The following UNC5B variants were observed in gnomAD, a reference collection of about 807,000 sequenced individuals.
UNC5B encodes the protein unc-5 netrin receptor B, also known as netrin receptor UNC5B.
UNC5B carries 56 observed loss-of-function variants against 103.7 expected under a neutral mutation model. The ratio of observed to expected loss-of-function variants is 0.54; its 90% confidence interval spans 0.44 to 0.67. The LOEUF (loss-of-function observed/expected upper bound fraction) is 0.67. UNC5B is among the 30% of genes least tolerant of loss of function. UNC5B has a pLI of 0.00. For missense variants in UNC5B, 1,194 were observed against 1,284.5 expected, an observed-to-expected ratio of 0.93 and a Z score of 1.08; for synonymous variants, 577 against 542.0, an observed-to-expected ratio of 1.06 and a Z score of -0.90.
intron 1 of UNC5B, among the ~76,000 whole-genome samples, chr10:71,236,349 A>G (rs1420583970): frequency 6.6e-6 from 1 of 152,174 alleles, no homozygotes; most frequent in Non-Finnish European, 1.5e-5. Flanking sequence ...ATCCCTTGCC[A>G]TGCCCGCCCT....
chr10:71,290,818 G>A, intron 8 of UNC5B, 97 bp from the exon 9 acceptor site: 1 of 1,407,436 alleles, frequency 7.1e-7, no homozygotes, highest in South Asian at 1.4e-5. Flanking sequence ...CGGGCCGGTT[G>A]GCCCTGGGCC....
chr10:71,264,971 T>TAA (rs34240729), intron 1 of UNC5B, among the ~76,000 whole-genome samples: 17 of 120,836 alleles, frequency 1.4e-4, no homozygotes, highest in Admixed American at 3.3e-4. Context: ...CCTGTCTCTA[T>TAA]AAAAAAAAAA....
At chr10:71,294,060 C>T (rs772373561) in intron 13 of UNC5B, 127 bp downstream of exon 13, 15 of 856,902 alleles carry the variant, frequency 1.8e-5, no homozygotes, top group Middle Eastern at 3.6e-4. Flanking sequence ...TATTAGGTCC[C>T]GCTTGCGACC....
chr10:71,230,413 G>A (rs772602977), intron 1 of UNC5B, among the ~76,000 whole-genome samples: 5 of 152,192 alleles, frequency 3.3e-5, no homozygotes, highest in Non-Finnish European at 7.3e-5. Context: ...TACCACAAAC[G>A]TGGACATCAG....
chr10:71,281,944 G>A (rs995265435), intron 2 of UNC5B, among the ~76,000 whole-genome samples: 2 of 152,196 alleles, frequency 1.3e-5, no homozygotes, highest in African/African-American at 4.8e-5. Flanking sequence ...GAGCCCCTCT[G>A]GCCTGTATCA....
chr10:71,246,249 C>T (rs1193771649), intron 1 of UNC5B, among the ~76,000 whole-genome samples: 2 of 152,250 alleles, frequency 1.3e-5, no homozygotes, highest in Non-Finnish European at 1.5e-5. Context: ...GCATACTGTA[C>T]GCTGGGAGAG....
intron 1 of UNC5B, among the ~76,000 whole-genome samples, chr10:71,261,196 T>A (rs1844410211): frequency 6.6e-6 from 1 of 152,174 alleles, no homozygotes; most frequent in Non-Finnish European, 1.5e-5. Flanking sequence ...CTGGACCCTG[T>A]TTTTCCCTTG....
chr10:71,298,173 A>G (rs1292528282), intron 16 of UNC5B, 83 bp downstream of exon 16: 1 of 1,465,328 alleles, frequency 6.8e-7, no homozygotes, highest in Non-Finnish European at 9.1e-7. Context: ...GCAGCCTGAC[A>G]GCCACGACCA....
chr10:71,216,386 C>T (rs1445453643), intron 1 of UNC5B, among the ~76,000 whole-genome samples: 1 of 152,070 alleles, frequency 6.6e-6, no homozygotes, highest in Non-Finnish European at 1.5e-5. Flanking sequence ...AGAGGTGTTC[C>T]AGGAGAGGGG....
intron 16 of UNC5B, 59 bp downstream of exon 16, chr10:71,298,149 G>T: frequency 1.3e-5 from 20 of 1,508,840 alleles, no homozygotes; most frequent in Non-Finnish European, 1.7e-5. Flanking sequence ...GTCTCACAGG[G>T]GCAGGCAGGG....
chr10:71,232,338 A>G (rs932073001), intron 1 of UNC5B, among the ~76,000 whole-genome samples: 9 of 152,268 alleles, frequency 5.9e-5, no homozygotes, highest in Non-Finnish European at 4.4e-5. Flanking sequence ...TATGTGTTAT[A>G]TGAGAAGTAG....
At chr10:71,229,438 T>C (rs1302727070) in intron 1 of UNC5B, among the ~76,000 whole-genome samples, 2 of 152,184 alleles carry the variant, frequency 1.3e-5, no homozygotes, top group Non-Finnish European at 2.9e-5. Flanking sequence ...ATTACACCCT[T>C]GACAGTGTCC....
At chr10:71,281,793 G>A (rs1438212963) in intron 2 of UNC5B, among the ~76,000 whole-genome samples, 1 of 152,218 alleles carries the variant, frequency 6.6e-6, no homozygotes, top group Non-Finnish European at 1.5e-5. Flanking sequence ...CCTGGTGAGG[G>A]TAGAGCCAGG....
At chr10:71,282,403 T>C (rs1844953247) in intron 2 of UNC5B, among the ~76,000 whole-genome samples, 1 of 152,200 alleles carries the variant, frequency 6.6e-6, no homozygotes, top group African/African-American at 2.4e-5. Flanking sequence ...AAGGTCCCTG[T>C]CCTATGCTCC....
intron 1 of UNC5B, among the ~76,000 whole-genome samples, chr10:71,237,695 T>C (rs970786819): frequency 6.6e-6 from 1 of 152,232 alleles, no homozygotes; most frequent in Non-Finnish European, 1.5e-5. Flanking sequence ...CCTGCCTCCA[T>C]CTCCAGCCTG....
chr10:71,255,428 C>T (rs1167709787), intron 1 of UNC5B, among the ~76,000 whole-genome samples: 1 of 152,194 alleles, frequency 6.6e-6, no homozygotes, highest in Non-Finnish European at 1.5e-5. Flanking sequence ...GAAGTATTTC[C>T]TAGACAGCCC....
At chr10:71,252,095 G>A (rs755352681) in intron 1 of UNC5B, among the ~76,000 whole-genome samples, 10 of 152,186 alleles carry the variant, frequency 6.6e-5, no homozygotes, top group Non-Finnish European at 1.5e-4. Context: ...TTTAAAAATG[G>A]GTGAAGGGAC....
intron 1 of UNC5B, among the ~76,000 whole-genome samples, chr10:71,256,653 T>TC (rs1844296607): frequency 6.6e-6 from 1 of 152,182 alleles, no homozygotes; most frequent in South Asian, 2.1e-4. Context: ...GACTGGCTTC[T>TC]CCAGGGCCCC....
At chr10:71,264,245 A>C (rs992474576) in intron 1 of UNC5B, among the ~76,000 whole-genome samples, 3 of 152,226 alleles carry the variant, frequency 2.0e-5, no homozygotes, top group African/African-American at 7.2e-5. Context: ...ATTAAATGAA[A>C]TAATGTAGAA....
Sources: gnomAD v4.1 joint callset for allele counts (sites outside exome capture counted in the v4.1 genomes callset) on GRCh38, gnomAD v4.1.1 for gene constraint, MANE v1.5 for transcripts, NCBI Gene and HGNC (gene_info 2026-07-23, HGNC 2026-07-21) for gene names.